ETV1: variants seen among roughly 807,000 people sequenced by gnomAD.
ETV1 encodes the protein ETS translocation variant 1.
Under a neutral mutation model 62.3 loss-of-function variants are expected in ETV1, and 27 were observed. The ratio of observed to expected loss-of-function variants is 0.43; its 90% CI spans 0.32 to 0.60. The LOEUF (loss-of-function observed/expected upper bound fraction) is 0.60, where lower values mean the gene tolerates loss of function less well. Among genes scored for constraint, ETV1 ranks in the 20% least tolerant of loss-of-function variants. The probability of loss-of-function intolerance (pLI) is 0.06; values close to 1 mark genes in which losing one functional copy is unlikely to be tolerated. For missense variants in ETV1, 605 were observed against 605.8 expected (o/e 1.00, Z 0.01); for synonymous variants, 222 against 199.6 (o/e 1.11, Z -0.94).
chr7:13,985,472 A>G (rs1782457179), intron 5 of ETV1: 1 of 152,216 alleles, frequency 6.6e-6, no homozygotes, highest in Non-Finnish European at 1.5e-5. Flanking sequence ...CAGCAAAACA[A>G]AGAAACTTAT....
intron 7 of ETV1, 83 bp from the exon 8 acceptor site, chr7:13,935,979 G>C (rs975813442): frequency 2.7e-6 from 3 of 1,102,034 alleles, no homozygotes; most frequent in Non-Finnish European, 3.9e-6. Flanking sequence ...AGGAAGAAAA[G>C]ATATTTTAGA....
intron 6 of ETV1, among the ~76,000 whole-genome samples, chr7:13,959,682 G>A (rs974342361): frequency 6.6e-6 from 1 of 151,728 alleles, no homozygotes; most frequent in African/African-American, 2.4e-5. Context: ...TCAGGAGTTC[G>A]AGACCAGCCT....
chr7:13,977,800 GT>G (rs1196944996), intron 5 of ETV1, among the ~76,000 whole-genome samples: 3 of 151,968 alleles, frequency 2.0e-5, no homozygotes, highest in Non-Finnish European at 2.9e-5. Context: ...ATTTCCTGCA[GT>G]TTTTTTTCAA....
chr7:13,962,805 T>A (rs1316073842), intron 6 of ETV1, among the ~76,000 whole-genome samples: 1 of 152,160 alleles, frequency 6.6e-6, no homozygotes, highest in African/African-American at 2.4e-5. Flanking sequence ...ATGTTATAAA[T>A]TAGAATAATT....
At position 13,942,816 on chromosome 7, in the gene ETV1, C is replaced by T. The variant is rs188906679; in HGVS notation, c.236-3570G>A. 1.3e-3 allele frequency among the ~76,000 whole-genome samples: 203 copies of T among 152,184 alleles called. 1 individual carries two copies. Among genetic ancestry groups the T allele is most frequent in the Non-Finnish European group, 2.2e-3 (153 of 68,008 alleles). ...ATGAACTCTATAGCTAATAAATATG[C>T]ATGCAGTATGATGTAAAGTTTATCA... On this transcript the variant is annotated intron_variant, in intron 6 of 13. Transcript: ENST00000430479.
intron 6 of ETV1, among the ~76,000 whole-genome samples, chr7:13,972,239 A>C (rs2128494579): frequency 6.6e-6 from 1 of 152,298 alleles, no homozygotes; most frequent in Non-Finnish European, 1.5e-5. Flanking sequence ...CAGGAGTTCA[A>C]GACCAGCCTG....
At chr7:13,917,786 A>C (rs1784351319) in intron 9 of ETV1, among the ~76,000 whole-genome samples, 1 of 151,140 alleles carries the variant, frequency 6.6e-6, no homozygotes, top group Admixed American at 6.6e-5. Flanking sequence ...AACACGGTGA[A>C]ACCCCGTCTC....
chr7:13,977,554 C>G, intron 5 of ETV1, 74 bp from the exon 6 acceptor site: 1 of 1,010,694 alleles, frequency 9.9e-7, no homozygotes, highest in Non-Finnish European at 1.5e-6. Context: ...CAAGTAAAAT[C>G]TGTCAAGTAA....
At chr7:13,920,468 G>C (rs1562616771) in intron 9 of ETV1, among the ~76,000 whole-genome samples, 1 of 151,806 alleles carries the variant, frequency 6.6e-6, no homozygotes, top group Non-Finnish European at 1.5e-5. Flanking sequence ...GTGTGTGTGT[G>C]TTTCCTTTCA....
chr7:13,936,133 A>G (rs1270119491), intron 7 of ETV1, among the ~76,000 whole-genome samples: 4 of 152,224 alleles, frequency 2.6e-5, no homozygotes, highest in Non-Finnish European at 4.4e-5. Context: ...TTAAATGTGT[A>G]TTTTTAATGC....
At chr7:13,915,845 C>T (rs1333566890) in intron 9 of ETV1, among the ~76,000 whole-genome samples, 1 of 151,940 alleles carries the variant, frequency 6.6e-6, no homozygotes, top group Non-Finnish European at 1.5e-5. Context: ...ACATATATAT[C>T]TGAATTCATG....
intron 9 of ETV1, among the ~76,000 whole-genome samples, chr7:13,930,435 C>A (rs1160129537): frequency 6.6e-6 from 1 of 151,922 alleles, no homozygotes; most frequent in Non-Finnish European, 1.5e-5. Flanking sequence ...AACTTTCCTG[C>A]CTCAGCCTAC....
chr7:13,979,577 G>A (rs1172983013), intron 5 of ETV1, among the ~76,000 whole-genome samples: 1 of 152,022 alleles, frequency 6.6e-6, no homozygotes, highest in Non-Finnish European at 1.5e-5. Flanking sequence ...ATAACAGCAA[G>A]TACACAGATT....
At chr7:13,909,574 G>A (rs1783354704) in intron 11 of ETV1, 58 bp downstream of exon 11, 7 of 1,234,482 alleles carry the variant, frequency 5.7e-6, no homozygotes, top group African/African-American at 1.5e-5. Context: ...CAGAAGAAGC[G>A]AAGGTAATCA....
At chr7:13,984,646 TA>T (rs1229873926) in intron 5 of ETV1, among the ~76,000 whole-genome samples, 1 of 151,996 alleles carries the variant, frequency 6.6e-6, no homozygotes, top group East Asian at 1.9e-4. Flanking sequence ...CCATAGTTTG[TA>T]AATAGTAGTC....
intron 12 of ETV1, among the ~76,000 whole-genome samples, chr7:13,902,607 C>A (rs1380777327): frequency 2.6e-5 from 4 of 152,094 alleles, no homozygotes; most frequent in Admixed American, 2.0e-4. Flanking sequence ...CATCAGTGAA[C>A]CTTTAATAGG....
At chr7:13,959,882 CAAAAAAAA>C (rs35605197) in intron 6 of ETV1, among the ~76,000 whole-genome samples, 3 of 56,706 alleles carry the variant, frequency 5.3e-5, no homozygotes, top group African/African-American at 8.3e-5. Context: ...GATTCTGTCT[CAAAAAAAA>C]AAAAAAAAAA....
chr7:13,904,126 A>C (rs1390706448), intron 12 of ETV1, among the ~76,000 whole-genome samples: 1 of 152,208 alleles, frequency 6.6e-6, no homozygotes, highest in Non-Finnish European at 1.5e-5. Flanking sequence ...AACCCTTTCC[A>C]AAGAAGAAAT....
intron 5 of ETV1, among the ~76,000 whole-genome samples, 165 bp from the exon 6 acceptor site, chr7:13,977,645 G>A (rs1241922006): frequency 6.6e-6 from 1 of 152,158 alleles, no homozygotes; most frequent in Non-Finnish European, 1.5e-5. Context: ...CACTACTTAG[G>A]AGGAGAAATG....
Sources: allele counts gnomAD v4.1 joint callset (sites outside exome capture counted in the v4.1 genomes callset), GRCh38; gene constraint gnomAD v4.1.1; transcripts MANE v1.5; gene names NCBI Gene and HGNC (gene_info 2026-07-23, HGNC 2026-07-21).